WWOX: variants seen among roughly 807,000 people sequenced by gnomAD.
WWOX encodes the protein WW domain-containing oxidoreductase.
A neutral mutation model predicts 46.2 loss-of-function variants in WWOX; 69 were observed. That is an observed-to-expected ratio of 1.49 (90% confidence interval 1.23 to 1.82). The LOEUF is 1.82. Ranked by LOEUF, WWOX falls within the 40% of genes most tolerant of loss-of-function variation. The probability of loss-of-function intolerance (pLI) is 0.00; values close to 1 mark genes in which losing one functional copy is unlikely to be tolerated. For missense variants in WWOX, 919 were observed against 542.6 expected, an observed-to-expected ratio of 1.69 and a Z score of -6.89; for synonymous variants, 359 against 202.6, an observed-to-expected ratio of 1.77 and a Z score of -6.56.
At chr16:78,507,391 G>C (rs1452289246) in intron 8 of WWOX, among the ~76,000 whole-genome samples, 1 of 152,154 alleles carries the variant, frequency 6.6e-6, no homozygotes. Context: ...AACAAACAAT[G>C]TTGCTGAGAA....
chr16:79,211,781 C>A lies in WWOX; in HGVS notation c.1230C>A (p.Gly410=), dbSNP rs778834456. Residue 410 remains glycine (G), a synonymous_variant, in exon 9 of 9, where the codon GGC becomes GGA. Coordinates refer to ENST00000566780, the MANE Select transcript of WWOX (RefSeq NM_016373.4). ...LSERLIQERL[G]SQSG ...AGAGGCTGATCCAAGAACGGCTTGG[C>A]AGCCAGTCCGGCTAAGTGGAGCTCA... The A allele has an allele frequency of 1.2e-6, 2 of 1,613,974 alleles. No individual in the cohort carries two copies. The highest frequency in any genetic ancestry group is 1.7e-6 in the Non-Finnish European group (2 of 1,179,868).
chr16:79,160,947 C>T (rs1003024516), intron 8 of WWOX, among the ~76,000 whole-genome samples: 4 of 152,094 alleles, frequency 2.6e-5, no homozygotes, highest in Non-Finnish European at 5.9e-5. Flanking sequence ...TATGTGTATA[C>T]ATGCTATATA....
chr16:78,411,461 A>G (rs1014929833), intron 6 of WWOX, among the ~76,000 whole-genome samples: 1 of 152,088 alleles, frequency 6.6e-6, no homozygotes, highest in Non-Finnish European at 1.5e-5. Flanking sequence ...ACGAATAAAG[A>G]CCCAGACTTA....
intron 8 of WWOX, among the ~76,000 whole-genome samples, chr16:79,010,348 C>G (rs1266231659): frequency 6.6e-6 from 1 of 152,094 alleles, no homozygotes; most frequent in East Asian, 1.9e-4. Context: ...GGACCAGGGC[C>G]TTTAACTCAG....
At chr16:78,428,367 A>C (rs949223451) in intron 7 of WWOX, among the ~76,000 whole-genome samples, 4 of 152,274 alleles carry the variant, frequency 2.6e-5, no homozygotes, top group Admixed American at 6.5e-5. Context: ...AAGCTGGCCC[A>C]CCCTTGCCAC....
chr16:78,879,332 T>G lies in WWOX; in HGVS notation c.1057-332276T>G, dbSNP rs141604589. ...TTGATAAATGGTGGACCCTCTGATG[T>G]TGACAACATGATGTCAAAGATGGTG... is the stretch of plus-strand genomic sequence containing the variant. On this transcript the variant is annotated intron_variant, in intron 8 of 8. Transcript: ENST00000566780. Among the ~76,000 whole-genome samples, 9 of 152,314 alleles carry G rather than the reference T, an allele frequency of 5.9e-5. No individual in the cohort carries two copies. The East Asian group carries it at 1.7e-3, about 29-fold the overall frequency.
At chr16:78,772,102 A>G (rs994517128) in intron 8 of WWOX, among the ~76,000 whole-genome samples, 36 of 152,136 alleles carry the variant, frequency 2.4e-4, no homozygotes, top group African/African-American at 6.8e-4. Context: ...AGGTAACTTC[A>G]TGTCACAAAG....
intron 8 of WWOX, among the ~76,000 whole-genome samples, chr16:78,907,950 G>A (rs1008906557): frequency 6.6e-6 from 1 of 152,208 alleles, no homozygotes; most frequent in East Asian, 1.9e-4. Flanking sequence ...AGAAAGGGGA[G>A]GAGGCTGGGA....
At chr16:79,033,252 T>G (rs2047800844) in intron 8 of WWOX, among the ~76,000 whole-genome samples, 2 of 147,832 alleles carry the variant, frequency 1.4e-5, no homozygotes, top group African/African-American at 4.9e-5. Context: ...AAAAACTGTT[T>G]TCCTTTGTTA....
At chr16:78,513,382 A>G (rs893849683) in intron 8 of WWOX, among the ~76,000 whole-genome samples, 5 of 152,198 alleles carry the variant, frequency 3.3e-5, no homozygotes, top group African/African-American at 1.2e-4. Context: ...AATGATTGAG[A>G]TAGGGTATCC....
At chr16:78,366,859 C>G (rs1044535781) in intron 5 of WWOX, among the ~76,000 whole-genome samples, 1 of 151,444 alleles carries the variant, frequency 6.6e-6, no homozygotes, top group Non-Finnish European at 1.5e-5. Flanking sequence ...GAAACTGTTC[C>G]TATCATACGT....
At chr16:78,770,560 C>A (rs184292833) in intron 8 of WWOX, among the ~76,000 whole-genome samples, 1 of 152,250 alleles carries the variant, frequency 6.6e-6, no homozygotes, top group East Asian at 1.9e-4. Flanking sequence ...TGGGAAACCG[C>A]TCTCTGTGGT....
intron 5 of WWOX, among the ~76,000 whole-genome samples, chr16:78,317,104 C>G (rs1390110562): frequency 6.6e-6 from 1 of 152,050 alleles, no homozygotes; most frequent in Non-Finnish European, 1.5e-5. Context: ...ATTGGAGGGA[C>G]TTGGAGAAGG....
At chr16:78,558,060 A>C (rs1020866409) in intron 8 of WWOX, among the ~76,000 whole-genome samples, 1 of 152,074 alleles carries the variant, frequency 6.6e-6, no homozygotes, top group Admixed American at 6.5e-5. Flanking sequence ...TTTGTTGACT[A>C]ACTTAGGTCA....
chr16:78,915,013 C>G (rs777907738), intron 8 of WWOX, among the ~76,000 whole-genome samples: 4 of 151,834 alleles, frequency 2.6e-5, no homozygotes, highest in Non-Finnish European at 5.9e-5. Flanking sequence ...TGGTTCACAC[C>G]AAAAACATAG....
intron 8 of WWOX, among the ~76,000 whole-genome samples, chr16:78,546,518 G>C (rs1019086203): frequency 6.6e-6 from 1 of 152,170 alleles, no homozygotes; most frequent in African/African-American, 2.4e-5. Flanking sequence ...CCTTGCCCAA[G>C]AAAAGATTAT....
At chr16:79,045,282 C>T (rs1252938505) in intron 8 of WWOX, among the ~76,000 whole-genome samples, 3 of 152,144 alleles carry the variant, frequency 2.0e-5, no homozygotes, top group African/African-American at 7.2e-5. Flanking sequence ...CTCTGGGATT[C>T]AGTGATAGCT....
At chr16:79,155,168 G>A (rs1438046472) in intron 8 of WWOX, among the ~76,000 whole-genome samples, 1 of 152,176 alleles carries the variant, frequency 6.6e-6, no homozygotes, top group Admixed American at 6.5e-5. Flanking sequence ...ATGAAGTCAA[G>A]AGATGGAAAC....
chr16:78,863,900 T>G (rs1206660736), intron 8 of WWOX, among the ~76,000 whole-genome samples: 1 of 152,182 alleles, frequency 6.6e-6, no homozygotes, highest in Admixed American at 6.5e-5. Context: ...ATCGTGTTTT[T>G]GAGGTTCAGC....
Sources: gnomAD v4.1 joint callset for allele counts (sites outside exome capture counted in the v4.1 genomes callset) on GRCh38, gnomAD v4.1.1 for gene constraint, MANE v1.5 for transcripts, NCBI Gene and HGNC (gene_info 2026-07-23, HGNC 2026-07-21) for gene names.